NXN: variants seen among roughly 807,000 people sequenced by gnomAD.
The protein encoded by NXN is nucleoredoxin.
Under a neutral mutation model 48.6 loss-of-function variants are expected in NXN, and 16 were observed. That is an observed-to-expected ratio of 0.33 (90% CI 0.22 to 0.50). The LOEUF is 0.50. Ranked by LOEUF, NXN falls within the 20% of genes least tolerant of loss-of-function variation. The pLI is 0.98. For missense variants in NXN, 492 were observed against 605.5 expected, an observed-to-expected ratio of 0.81 and a Z score of 1.97; for synonymous variants, 281 against 269.6, an observed-to-expected ratio of 1.04 and a Z score of -0.41.
intron 1 of NXN, among the ~76,000 whole-genome samples, chr17:862,333 T>G (rs191509379): frequency 6.6e-6 from 1 of 152,100 alleles, no homozygotes; most frequent in Admixed American, 6.6e-5. Flanking sequence ...TTCGGCAACA[T>G]AGTAAGACCC....
At chr17:907,960 G>A (rs2144913826) in intron 1 of NXN, 1 of 152,234 alleles carries the variant, frequency 6.6e-6, no homozygotes, top group East Asian at 1.9e-4. Context: ...CTCCGTCCCT[G>A]AACCTGGGAG....
intron 7 of NXN, among the ~76,000 whole-genome samples, chr17:801,809 T>C (rs1911229868): frequency 6.6e-6 from 1 of 152,224 alleles, no homozygotes; most frequent in Admixed American, 6.5e-5. Flanking sequence ...AGCCCCACTG[T>C]GGGTTATCTG....
At chr17:839,926 G>A (rs12953241) in intron 1 of NXN, among the ~76,000 whole-genome samples, 7,258 of 151,302 alleles carry the variant, frequency 0.048, 297 homozygotes, top group East Asian at 0.24. Flanking sequence ...GTGAAACCCC[G>A]TCTCTATTAA....
At chr17:819,695 T>C (rs916130742) in intron 4 of NXN, 150 bp from the exon 5 acceptor site, 8 of 584,082 alleles carry the variant, frequency 1.4e-5, no homozygotes, top group Admixed American at 3.4e-5. Context: ...TATGGGAGTG[T>C]GTTATTCTAC....
chr17:845,026 A>G (rs2067843928), intron 1 of NXN, among the ~76,000 whole-genome samples: 2 of 151,984 alleles, frequency 1.3e-5, no homozygotes, highest in South Asian at 2.1e-4. Context: ...ATTTTCTAGT[A>G]ATTTCCAACA....
At chr17:858,423 G>C (rs1186692085) in intron 1 of NXN, among the ~76,000 whole-genome samples, 2 of 152,104 alleles carry the variant, frequency 1.3e-5, no homozygotes, top group African/African-American at 4.8e-5. Context: ...CTGGACGGCT[G>C]AGCTATAGAA....
chr17:959,972 A>G (rs148700842), intron 1 of NXN, among the ~76,000 whole-genome samples: 4,033 of 152,142 alleles, frequency 0.027, 226 homozygotes, highest in East Asian at 0.24. Flanking sequence ...GGTGCCTGTA[A>G]TCACAGCTAC....
At chr17:963,557 G>A (rs959010865) in intron 1 of NXN, among the ~76,000 whole-genome samples, 2 of 152,132 alleles carry the variant, frequency 1.3e-5, no homozygotes, top group Admixed American at 6.5e-5. Flanking sequence ...AGCCAAGATC[G>A]CACCACTGCA....
At chr17:847,584 A>G (rs1330158880) in intron 1 of NXN, among the ~76,000 whole-genome samples, 1 of 152,170 alleles carries the variant, frequency 6.6e-6, no homozygotes, top group Non-Finnish European at 1.5e-5. Context: ...GCCACGGACC[A>G]GCCACGTCCA....
At chr17:890,211 G>A (rs961346408) in intron 1 of NXN, among the ~76,000 whole-genome samples, 1 of 151,864 alleles carries the variant, frequency 6.6e-6, no homozygotes, top group Admixed American at 6.6e-5. Context: ...CACATCAAAT[G>A]CTGTTCTCGA....
chr17:814,187 G>A lies in NXN; in HGVS notation c.820+5252C>T, dbSNP rs185572184. On this transcript the variant is annotated intron_variant, in intron 5 of 7. Coordinates refer to ENST00000336868, the MANE Select transcript of NXN (RefSeq NM_022463.5). Reference sequence around the variant, plus strand: ...TGACGCAGGAGAACGGCGTGAACCCGGAAGGCAGATGTAGTGAGCAGAGAT... The same window carrying A: ...TGACGCAGGAGAACGGCGTGAACCCAGAAGGCAGATGTAGTGAGCAGAGAT... 4.6e-4 allele frequency among the ~76,000 whole-genome samples: 46 copies of A among 100,880 alleles called. No individual in the cohort carries two copies. In the East Asian group the frequency reaches 0.025, roughly 56 times the overall value. The allele number at this position is 100,880 out of a possible 152,430, so 66.2% of individuals were successfully genotyped here.
chr17:903,864 C>T (rs1381712067), intron 1 of NXN, among the ~76,000 whole-genome samples: 1 of 152,186 alleles, frequency 6.6e-6, no homozygotes, highest in African/African-American at 2.4e-5. Context: ...TCAGGGTAGA[C>T]CAAATCCCCA....
At chr17:855,717 G>A (rs1326625155) in intron 1 of NXN, among the ~76,000 whole-genome samples, 1 of 152,130 alleles carries the variant, frequency 6.6e-6, no homozygotes, top group Non-Finnish European at 1.5e-5. Flanking sequence ...ATTAAGTTTA[G>A]GGGAAAAAAT....
intron 1 of NXN, among the ~76,000 whole-genome samples, chr17:913,035 A>G (rs532362848): frequency 4.6e-5 from 7 of 152,284 alleles, no homozygotes; most frequent in African/African-American, 1.4e-4. Flanking sequence ...CGTTGGAAAT[A>G]TCTTTTCTCA....
intron 1 of NXN, among the ~76,000 whole-genome samples, chr17:881,893 T>C (rs182399059): frequency 2.0e-5 from 3 of 152,218 alleles, no homozygotes; most frequent in Non-Finnish European, 4.4e-5. Context: ...TCCATGACGG[T>C]CTACAGGCAA....
intron 1 of NXN, among the ~76,000 whole-genome samples, chr17:911,527 T>C (rs1235555823): frequency 2.0e-5 from 3 of 151,808 alleles, no homozygotes; most frequent in African/African-American, 7.3e-5. Flanking sequence ...GATGGTGTTT[T>C]ACCGTGTTAG....
chr17:961,333 C>T (rs1237538492), intron 1 of NXN, among the ~76,000 whole-genome samples: 2 of 151,330 alleles, frequency 1.3e-5, no homozygotes, highest in Admixed American at 6.6e-5. Context: ...TGCAGTGAGC[C>T]GAGATCATGC....
At chr17:866,161 C>T (rs1256267820) in intron 1 of NXN, among the ~76,000 whole-genome samples, 2 of 151,720 alleles carry the variant, frequency 1.3e-5, no homozygotes, top group Non-Finnish European at 2.9e-5. Flanking sequence ...TCGGCTATGC[C>T]GATAGGAAGA....
chr17:824,482 G>A (rs999063410), intron 2 of NXN, among the ~76,000 whole-genome samples: 3 of 152,132 alleles, frequency 2.0e-5, no homozygotes, highest in African/African-American at 4.8e-5. Context: ...GGGAATCATC[G>A]CCTCGGGGCC....
Sources: gnomAD v4.1 joint callset for allele counts (sites outside exome capture counted in the v4.1 genomes callset) on GRCh38, gnomAD v4.1.1 for gene constraint, MANE v1.5 for transcripts, NCBI Gene and HGNC (gene_info 2026-07-23, HGNC 2026-07-21) for gene names.